PTGES3: variants seen among roughly 807,000 people sequenced by gnomAD.
PTGES3 encodes the protein Hsp90 co-chaperone.
In PTGES3, 5 loss-of-function variants were observed where a neutral mutation model predicts 29.9. The ratio of observed to expected loss-of-function variants is 0.17; its 90% CI spans 0.09 to 0.35. PTGES3 has a LOEUF of 0.35. Ranked by LOEUF, PTGES3 falls within the 10% of genes least tolerant of loss-of-function variation. The probability of loss-of-function intolerance (pLI) is 1.00; values close to 1 mark genes in which losing one functional copy is unlikely to be tolerated. For missense variants in PTGES3, 128 were observed against 190.0 expected (o/e 0.67, Z 1.92); for synonymous variants, 49 against 57.8 (o/e 0.85, Z 0.69).
intron 1 of PTGES3, among the ~76,000 whole-genome samples, chr12:56,673,690 G>A (rs1317606245): frequency 1.3e-5 from 2 of 151,204 alleles, no homozygotes; most frequent in Non-Finnish European, 2.9e-5. Flanking sequence ...CTACTTGGGA[G>A]GCTGAGGCAG....
At chr12:56,674,480 C>G (rs544797408) in intron 1 of PTGES3, among the ~76,000 whole-genome samples, 28 of 151,152 alleles carry the variant, frequency 1.9e-4, no homozygotes, top group Admixed American at 1.8e-3. Context: ...CACCTGAGGT[C>G]GAGAATTCGA....
intron 6 of PTGES3, chr12:56,665,207 A>G: frequency 1.0e-6 from 1 of 985,268 alleles, no homozygotes; most frequent in Non-Finnish European, 1.2e-6. Context: ...GGGAGATGTT[A>G]ACAGGATGCT....
intron 1 of PTGES3, among the ~76,000 whole-genome samples, chr12:56,678,591 CAATTTTTTATAGTG>C (rs1952377100): frequency 6.6e-6 from 1 of 152,128 alleles, no homozygotes; most frequent in South Asian, 2.1e-4. Context: ...TTTGGTGCAT[CAATTTTTTATAGTG>C]AAGGGTGCTT....
chr12:56,685,770 CTTTTTTTTTT>C (rs9325161), intron 1 of PTGES3, among the ~76,000 whole-genome samples: 5 of 71,898 alleles, frequency 7.0e-5, no homozygotes, highest in South Asian at 4.9e-4. Flanking sequence ...GCTACACTTA[CTTTTTTTTTT>C]TTTTTTTTTT....
At chr12:56,679,779 A>G (rs1952440916) in intron 1 of PTGES3, among the ~76,000 whole-genome samples, 1 of 152,056 alleles carries the variant, frequency 6.6e-6, no homozygotes. Context: ...GGTTGAAGCA[A>G]TTCTTCTGCC....
intron 5 of PTGES3, among the ~76,000 whole-genome samples, chr12:56,668,297 G>A (rs146729760): frequency 1.9e-4 from 29 of 152,208 alleles, no homozygotes; most frequent in African/African-American, 6.7e-4. Context: ...TCTTTGGGCA[G>A]GAAAAATGCT....
intron 1 of PTGES3, among the ~76,000 whole-genome samples, chr12:56,681,265 G>A (rs933870314): frequency 4.6e-5 from 7 of 152,026 alleles, no homozygotes; most frequent in Non-Finnish European, 7.4e-5. Flanking sequence ...CAGGCCGGGC[G>A]CGGTGGCTCA....
At chr12:56,665,564 GT>G (rs1389309636) in intron 6 of PTGES3, 23 of 985,268 alleles carry the variant, frequency 2.3e-5, no homozygotes, top group Non-Finnish European at 2.8e-5. Context: ...ATGTCCATCT[GT>G]TTTATCGGTC....
intron 1 of PTGES3, among the ~76,000 whole-genome samples, chr12:56,684,155 GT>G (rs979984796): frequency 2.6e-5 from 4 of 151,918 alleles, no homozygotes; most frequent in Non-Finnish European, 4.4e-5. Context: ...ATTTACAAAG[GT>G]TTTTTTTCCC....
rs547457898 is a variant in PTGES3 at position 56,680,920 on chromosome 12, G to T, written c.2+7078C>A. On this transcript the variant is annotated intron_variant, in intron 1 of 7. Coordinates refer to ENST00000262033, the MANE Select transcript of PTGES3 (RefSeq NM_006601.7). ...AGTCTCCATGGTGGATGGAACCACA[G>T]ATACATGCTACCACACACCCAGGTT... Among the ~76,000 whole-genome samples, 30 of 152,004 alleles carry T rather than the reference G, an allele frequency of 2.0e-4. No individual in the cohort carries two copies. The South Asian group carries it at 3.1e-3, about 16-fold the overall frequency.
intron 4 of PTGES3, 33 bp downstream of exon 4, chr12:56,671,716 T>G (rs1952013837): frequency 7.5e-7 from 1 of 1,338,186 alleles, no homozygotes; most frequent in Admixed American, 2.4e-5. Flanking sequence ...AATAAAAATA[T>G]CAAACTTTTC....
At chr12:56,665,154 G>A (rs1417370679) in intron 6 of PTGES3, 4 of 985,106 alleles carry the variant, frequency 4.1e-6, no homozygotes, top group African/African-American at 1.7e-5. Context: ...TAGCTGTTGA[G>A]TGAATATTAA....
intron 3 of PTGES3, among the ~76,000 whole-genome samples, chr12:56,672,479 C>G (rs1010860757): frequency 6.6e-6 from 1 of 151,896 alleles, no homozygotes; most frequent in African/African-American, 2.4e-5. Context: ...TCTCAAAGAA[C>G]AAAACCAAAC....
At chr12:56,675,027 A>AAAAAAAAAAAAAT (rs71081385) in intron 1 of PTGES3, among the ~76,000 whole-genome samples, 1 of 144,266 alleles carries the variant, frequency 6.9e-6, no homozygotes, top group Non-Finnish European at 1.5e-5. Flanking sequence ...AAAAAAAAAA[A>AAAAAAAAAAAAAT]GTGCTGGTTC....
intron 1 of PTGES3, among the ~76,000 whole-genome samples, chr12:56,683,453 A>G: frequency 7.2e-6 from 1 of 138,146 alleles, no homozygotes; most frequent in Non-Finnish European, 1.5e-5. Flanking sequence ...AGCCTGGGCA[A>G]CAAGAGAGAA....
At chr12:56,681,537 CA>C (rs34581651) in intron 1 of PTGES3, among the ~76,000 whole-genome samples, 1,116 of 25,600 alleles carry the variant, frequency 0.044, 2 homozygotes, top group Middle Eastern at 0.056. Flanking sequence ...GACTCCATCT[CA>C]AAAAAAAAAA....
rs756761948 is a variant in PTGES3, at chr12:56,670,285, C to T, written c.365G>A (p.Arg122His). ...DSDEDMSNFD[R>H]FSEMMNNMGG... ...TTTAAAGGAACTTACCTCAGAGAAA[C>T]GATCAAAATTAGACATGTCTTCATC... Residue 122 changes from arginine (R) to histidine (H), a missense_variant, in exon 5 of 8, where the codon CGT (arginine) becomes CAT (histidine). Physicochemically the swap from Arg to His is conservative, Grantham distance 29. Coordinates refer to ENST00000262033, the MANE Select transcript of PTGES3 (RefSeq NM_006601.7). 1.5e-5 allele frequency: 24 copies of T among 1,610,636 alleles called. No individual in the cohort carries two copies. The highest frequency in any genetic ancestry group is 1.9e-5 in the Non-Finnish European group (22 of 1,177,216).
chr12:56,676,920 C>CAAAAAAAAAA lies in PTGES3; in HGVS notation c.3-3865_3-3856dup, dbSNP rs34739170. ...TGGGTGAGAGAGTGAGATTCCGACT[C>CAAAAAAAAAA]AAAAAAAAAAAAAAAAAAAAAAAAA... On this transcript the variant is annotated intron_variant, in intron 1 of 7. Coordinates refer to ENST00000262033, the MANE Select transcript of PTGES3 (RefSeq NM_006601.7). 4.7e-4 allele frequency among the ~76,000 whole-genome samples: 24 copies of CAAAAAAAAAA among 50,552 alleles called. 2 individuals are homozygous for CAAAAAAAAAA. The highest frequency in any genetic ancestry group is 1.8e-3 in the African/African-American group (22 of 12,232). The allele number at this position is 50,552 out of a possible 152,430, so 33.2% of individuals were successfully genotyped here.
intron 6 of PTGES3, chr12:56,665,526 C>T (rs1042058598): frequency 1.0e-5 from 10 of 982,530 alleles, no homozygotes; most frequent in East Asian, 1.1e-4. Context: ...AACTCTTGAC[C>T]GCATGATCCA....
Sources: gnomAD v4.1 joint callset for allele counts (sites outside exome capture counted in the v4.1 genomes callset) on GRCh38, gnomAD v4.1.1 for gene constraint, MANE v1.5 for transcripts, NCBI Gene and HGNC (gene_info 2026-07-23, HGNC 2026-07-21) for gene names.